Variants in LAMA5 observed in about 807,000 individuals in gnomAD.
LAMA5 encodes the protein laminin subunit alpha 5.
A neutral mutation model predicts 433.4 loss-of-function variants in LAMA5; 260 were observed. The observed-to-expected ratio is 0.60, with a 90% CI of 0.54 to 0.66. LAMA5 has a LOEUF of 0.66. Among genes scored for constraint, LAMA5 ranks in the 30% least tolerant of loss-of-function variants. The pLI is 0.00. For synonymous variants in LAMA5, 2,620 were observed against 2,226.6 expected, an observed-to-expected ratio of 1.18 and a Z score of -4.97; for missense variants, 5,378 against 5,258.5, an observed-to-expected ratio of 1.02 and a Z score of -0.70.
chr20:62,362,270 G>T (rs993999987), intron 2 of LAMA5, 130 bp downstream of exon 2: 2 of 924,644 alleles, frequency 2.2e-6, no homozygotes, highest in Non-Finnish European at 1.5e-6. Context: ...CAAGTCCTTC[G>T]TGTCCAGCCT....
rs763933178 is a variant in LAMA5, at chr20:62,330,451, TG to T, written c.3979+36del. The stretch of plus-strand genomic sequence containing the variant: ...GCGCCGGCATTCCAGCCTCATCGTG[TG>T]TGGTAGCCTCTCCACCCCCCACACC... On this transcript the variant is annotated intron_variant, in intron 31 of 79. Transcript: ENST00000252999. 92 of 1,494,168 alleles carry T rather than the reference TG, an allele frequency of 6.2e-5. 1 individual carries two copies. The African/African-American group carries it at 9.8e-4, about 16-fold the overall frequency. 92.6% of individuals were successfully genotyped at this position (1,494,168 alleles called of 1,614,324 possible).
At position 62,333,404 on chromosome 20, in the gene LAMA5, G is replaced by A. The variant is rs372093652; in HGVS notation, c.3099C>T (p.Tyr1033=). The change falls in exon 25 of 80, where the codon TAC becomes TAT. Residue 1033 remains tyrosine (Y), a synonymous_variant. Transcript: ENST00000252999. ...CGCCAGACTGCTGGGCAGAGGGACG[G>A]TATGTGCAGGCCTCAGTCACCCGCA... is the stretch of plus-strand genomic sequence containing the variant. ...LQLRVTEACT[Y]RPSAQQSGDN... is the part of the protein sequence containing the mutation. 72 of 1,612,620 alleles carry A rather than the reference G, an allele frequency of 4.5e-5. No homozygotes were observed. Among genetic ancestry groups the A allele is most frequent in the Non-Finnish European group, 5.6e-5 (66 of 1,179,904 alleles).
chr20:62,324,112 G>A lies in LAMA5; in HGVS notation c.5736C>T (p.Ser1912=), dbSNP rs115948762. Residue 1912 remains serine (S), a synonymous_variant, in exon 43 of 80, where the codon AGC becomes AGT. Coordinates refer to ENST00000252999, the MANE Select transcript of LAMA5 (RefSeq NM_005560.6). The surrounding 1 kb of genome is among the most constrained non-coding windows in gnomAD (Gnocchi z 4.4). ...SRDDPSAPCV[S]CPCPLSVPSN... ...AAGGCACTGAGAGGGGGCAGGGGCA[G>A]CTGACACAGGGGGCGCTGGGGTCGT... The A allele has an allele frequency of 5.3e-4, 806 of 1,520,118 alleles. 8 individuals are homozygous for A. The African/African-American group carries it at 0.01, about 20-fold the overall frequency. 94.2% of individuals were successfully genotyped at this position (1,520,118 alleles called of 1,614,324 possible).
chr20:62,330,240 C>T (rs573038311), intron 31 of LAMA5, among the ~76,000 whole-genome samples: 70 of 152,388 alleles, frequency 4.6e-4, no homozygotes, highest in African/African-American at 1.6e-3. Context: ...GCCCTCAATT[C>T]GCCACGTGCC....
At chr20:62,356,928 G>A (rs1293866041) in intron 2 of LAMA5, among the ~76,000 whole-genome samples, 2 of 152,240 alleles carry the variant, frequency 1.3e-5, no homozygotes, top group African/African-American at 4.8e-5. Flanking sequence ...ACTCACTGGC[G>A]CTCCGAAGGC....
At position 62,338,482 on chromosome 20, in the gene LAMA5, C is replaced by T. The variant is rs1203745382; in HGVS notation, c.1604G>A (p.Gly535Asp). ...HCELCAPGFY[G>D]PGCQPCQCSS... ...AGGGGACTCACGCTGGCAGCCGGGG[C>T]CGTAGAACCCTGGCGCGCAGAGCTC... The change falls in exon 12 of 80, where the codon GGC (glycine) becomes GAC (aspartate). Residue 535 changes from glycine (G) to aspartate (D), a missense_variant. Gly to Asp is a moderately conservative substitution (Grantham distance 94). Coordinates refer to ENST00000252999, the MANE Select transcript of LAMA5 (RefSeq NM_005560.6). 8 of 1,608,446 alleles carry T rather than the reference C, an allele frequency of 5.0e-6. No individual in the cohort carries two copies. The South Asian group carries it at 6.7e-5, about 13-fold the overall frequency.
At chr20:62,344,405 G>A (rs1015463413) in intron 11 of LAMA5, among the ~76,000 whole-genome samples, 1 of 152,070 alleles carries the variant, frequency 6.6e-6, no homozygotes, top group East Asian at 1.9e-4. Context: ...CAATGATTTG[G>A]TCAGCAGGTG....
chr20:62,332,852 G>A, intron 26 of LAMA5, 135 bp from the exon 27 acceptor site: 1 of 1,159,902 alleles, frequency 8.6e-7, no homozygotes. Context: ...ACATCTCCAG[G>A]CAAGTGGTGG....
intron 1 of LAMA5, among the ~76,000 whole-genome samples, chr20:62,365,716 C>T (rs940455272): frequency 9.2e-5 from 14 of 152,296 alleles, no homozygotes; most frequent in Admixed American, 3.9e-4. Context: ...AGCTAACCCC[C>T]GCTGGACCCT....
rs756145404 is a variant in LAMA5 at position 62,329,813 on chromosome 20, C to T, written c.4083G>A (p.Val1361=). 21 of 1,612,436 alleles carry T rather than the reference C, an allele frequency of 1.3e-5. No homozygotes were observed. The highest frequency in any genetic ancestry group is 1.4e-5 in the Non-Finnish European group (17 of 1,179,824). The stretch of plus-strand genomic sequence containing the variant: ...ACCGGCCCTTGGGCACACGCACGGT[C>T]ACAGTGAGCTCGCTGTGGGTCACGT... ...LLDVTHSELT[V]TVRVPKGRWL... Residue 1361 remains valine, a synonymous_variant, in exon 32 of 80, where the codon GTG becomes GTA. Coordinates refer to ENST00000252999, the MANE Select transcript of LAMA5 (RefSeq NM_005560.6).
In LAMA5 at chr20:62,333,407, T is replaced by C. The variant is rs376382012; in HGVS notation, c.3096A>G (p.Thr1032=). The change falls in exon 25 of 80, where the codon ACA becomes ACG. Residue 1032 remains threonine (T), a synonymous_variant. Transcript: ENST00000252999. The part of the protein sequence containing the change: ...LLQLRVTEAC[T]YRPSAQQSGD... ...CAGACTGCTGGGCAGAGGGACGGTA[T>C]GTGCAGGCCTCAGTCACCCGCAGCT... 15 of 1,612,708 alleles carry C rather than the reference T, an allele frequency of 9.3e-6. No homozygotes were observed. The highest frequency in any genetic ancestry group is 1.3e-5 in the Non-Finnish European group (15 of 1,179,878).
At chr20:62,309,646 A>AGGGGGTGGGGGGGGGGG (rs1267405426) in intron 79 of LAMA5, 70 bp downstream of exon 79, 116 of 271,818 alleles carry the variant, frequency 4.3e-4, no homozygotes, top group South Asian at 1.6e-3. Flanking sequence ...GGGTGGGGGG[A>AGGGGGTGGGGGGGGGGG]GGGTGGTAGG....
chr20:62,336,933 C>G (rs74992645), intron 16 of LAMA5, 147 bp from the exon 17 acceptor site: 5 of 760,880 alleles, frequency 6.6e-6, no homozygotes, highest in Non-Finnish European at 9.1e-6. Context: ...CCTGAAAACA[C>G]GCACCTCCCT....
intron 9 of LAMA5, 66 bp downstream of exon 9, chr20:62,346,440 C>T: frequency 2.0e-6 from 3 of 1,483,744 alleles, no homozygotes; most frequent in Non-Finnish European, 1.8e-6. Flanking sequence ...GCCCCAAAGG[C>T]CCAAGAACAC....
At chr20:62,341,857 A>AAT (rs1982650290) in intron 11 of LAMA5, among the ~76,000 whole-genome samples, 1 of 151,774 alleles carries the variant, frequency 6.6e-6, no homozygotes, top group African/African-American at 2.4e-5. Context: ...AGAAGAAGAA[A>AAT]GAAAATAAAA....
In LAMA5 at chr20:62,346,979, A is replaced by AGCGGTCGCAGGT. The variant is rs1225004502; in HGVS notation, c.994_1005dup (p.Thr332_Arg335dup). On this transcript the variant is annotated inframe_insertion, in exon 7 of 80. Transcript: ENST00000252999. ...GGCTGCTGATTGAAGCCGGGGCAGC[A>AGCGGTCGCAGGT]GCGGTCGCAGGTGCCCCCGCAGGTG... The AGCGGTCGCAGGT allele has an allele frequency of 6.2e-7, 1 of 1,612,510 alleles. No homozygotes were observed. The highest frequency in any genetic ancestry group is 1.3e-5 in the African/African-American group (1 of 74,922).
In LAMA5 at chr20:62,310,788, C is replaced by T. The variant is rs201561605; in HGVS notation, c.10323G>A (p.Thr3441=). 18 of 1,552,934 alleles carry T rather than the reference C, an allele frequency of 1.2e-5. No individual in the cohort carries two copies. In the East Asian group the frequency reaches 2.1e-4, roughly 18 times the overall value. Residue 3441 remains threonine (T), a synonymous_variant, in exon 75 of 80, where the codon ACG becomes ACA. Transcript: ENST00000252999. ...CCTGGCTCCAGGCCCGGGCCCCGTCCGTCACCAGCAGGATCCGGTTCTTCT... is the reference window on the plus strand; with the variant it reads ...CCTGGCTCCAGGCCCGGGCCCCGTCTGTCACCAGCAGGATCCGGTTCTTCT... ...RWEKNRILLV[T]DGARAWSQEG... is the part of the protein sequence containing the mutation.
intron 75 of LAMA5, 21 bp from the exon 76 acceptor site, chr20:62,310,593 G>C (rs746205475): frequency 1.9e-6 from 3 of 1,568,426 alleles, no homozygotes; most frequent in Non-Finnish European, 2.6e-6. Context: ...AGACCGGGCA[G>C]GGATCAGGGC....
chr20:62,339,052 T>A (rs1363402327), intron 11 of LAMA5, among the ~76,000 whole-genome samples: 8 of 132,876 alleles, frequency 6.0e-5, no homozygotes, highest in Non-Finnish European at 1.0e-4. Flanking sequence ...AAAAAAAAAA[T>A]TCCAACAAGG....
Sources: allele counts gnomAD v4.1 joint callset (sites outside exome capture counted in the v4.1 genomes callset), GRCh38; gene constraint gnomAD v4.1.1; non-coding constraint Gnocchi (gnomAD v3.1); transcripts MANE v1.5; gene names NCBI Gene and HGNC (gene_info 2026-07-23, HGNC 2026-07-21).